The following GLRB variants were observed in gnomAD, a reference collection of about 807,000 sequenced individuals.
The protein encoded by GLRB is glycine receptor subunit beta.
Under a neutral mutation model 54.2 loss-of-function variants are expected in GLRB, and 33 were observed. The ratio of observed to expected loss-of-function variants is 0.61; its 90% CI spans 0.46 to 0.81. GLRB has a LOEUF of 0.81. GLRB is among the 40% of genes least tolerant of loss of function. GLRB has a pLI of 0.00. For synonymous variants in GLRB, 209 were observed against 208.2 expected, an observed-to-expected ratio of 1.00 and a Z score of -0.03; for missense variants, 572 against 584.6, an observed-to-expected ratio of 0.98 and a Z score of 0.22.
chr4:157,099,124 G>A (rs555695078), intron 2 of GLRB, among the ~76,000 whole-genome samples: 1 of 152,222 alleles, frequency 6.6e-6, no homozygotes, highest in South Asian at 2.1e-4. Context: ...TCTGTGTCTG[G>A]TCTTATCATA....
chr4:157,095,446 A>G (rs1734775085), intron 2 of GLRB, among the ~76,000 whole-genome samples: 1 of 152,218 alleles, frequency 6.6e-6, no homozygotes, highest in Non-Finnish European at 1.5e-5. Context: ...AGGAGAAAAT[A>G]TCCAATAAGC....
chr4:157,089,914 CT>C (rs1381147785), intron 2 of GLRB, among the ~76,000 whole-genome samples: 1 of 152,214 alleles, frequency 6.6e-6, no homozygotes, highest in Non-Finnish European at 1.5e-5. Context: ...TCTTCAAATC[CT>C]TCATGCCCTT....
chr4:157,087,924 CT>C (rs1734471370), intron 2 of GLRB, among the ~76,000 whole-genome samples: 1 of 151,980 alleles, frequency 6.6e-6, no homozygotes, highest in African/African-American at 2.4e-5. Context: ...GCTGAGGTCC[CT>C]TTATAAATGA....
chr4:157,084,548 G>A (rs959881930), intron 2 of GLRB: 51 of 452,920 alleles, frequency 1.1e-4, no homozygotes, highest in Admixed American at 8.1e-4. Context: ...TTTTATTCTC[G>A]TTCTGTGTGT....
rs1006544734 is a variant in GLRB at position 157,128,137 on chromosome 4, C to A, written c.297+5740C>A. Among the ~76,000 whole-genome samples the A allele has an allele frequency of 4.6e-5, 7 of 151,710 alleles. No individual in the cohort carries two copies. In the East Asian group the frequency reaches 1.4e-3, roughly 30 times the overall value. ...GTATTTTATTGAGTAATTACTTAAA[C>A]CTCTCACTCATTAAGGTTAATTCTA... is the stretch of plus-strand genomic sequence containing the variant. On this transcript the variant is annotated intron_variant, in intron 4 of 9. Transcript: ENST00000264428.
intron 2 of GLRB, among the ~76,000 whole-genome samples, chr4:157,094,904 T>C (rs1734748394): frequency 6.6e-6 from 1 of 152,236 alleles, no homozygotes. Context: ...AAAAAATACG[T>C]ACAAGAATGT....
intron 7 of GLRB, 77 bp from the exon 8 acceptor site, chr4:157,143,730 T>C (rs757486931): frequency 4.0e-5 from 57 of 1,415,466 alleles, no homozygotes; most frequent in Non-Finnish European, 5.4e-5. Flanking sequence ...TGACTTACCG[T>C]TTCCAGGTCT....
intron 4 of GLRB, among the ~76,000 whole-genome samples, chr4:157,127,545 T>G (rs1279970049): frequency 6.6e-6 from 1 of 151,870 alleles, no homozygotes; most frequent in South Asian, 2.1e-4. Flanking sequence ...CTGTTTTATA[T>G]GTTAAAAAGG....
At chr4:157,079,580 T>G (rs1464512825) in intron 2 of GLRB, among the ~76,000 whole-genome samples, 1 of 152,136 alleles carries the variant, frequency 6.6e-6, no homozygotes, top group Non-Finnish European at 1.5e-5. Flanking sequence ...CAGGGCCAAA[T>G]TTCTGGGTAT....
chr4:157,155,129 T>A (rs1434841307), intron 9 of GLRB, among the ~76,000 whole-genome samples: 2 of 152,150 alleles, frequency 1.3e-5, no homozygotes, highest in Non-Finnish European at 2.9e-5. Context: ...TTTAGAGAAT[T>A]TCCTTGTTTT....
intron 2 of GLRB, among the ~76,000 whole-genome samples, chr4:157,114,455 T>A (rs1399567697): frequency 6.6e-6 from 1 of 151,874 alleles, no homozygotes; most frequent in African/African-American, 2.4e-5. Flanking sequence ...TTTCTCTATT[T>A]TTATTTTTCT....
intron 7 of GLRB, 56 bp downstream of exon 7, chr4:157,139,005 A>T: frequency 1.0e-6 from 1 of 965,712 alleles, no homozygotes; most frequent in Non-Finnish European, 1.7e-6. Flanking sequence ...CATTTTAATT[A>T]ATACATAGCC....
intron 2 of GLRB, among the ~76,000 whole-genome samples, chr4:157,082,949 C>A: frequency 7.1e-6 from 1 of 140,832 alleles, no homozygotes; most frequent in African/African-American, 2.8e-5. Context: ...AATTATCAGA[C>A]AAATGAATAG....
chr4:157,117,377 C>T (rs935697685), intron 2 of GLRB, among the ~76,000 whole-genome samples: 1 of 151,632 alleles, frequency 6.6e-6, no homozygotes, highest in Non-Finnish European at 1.5e-5. Flanking sequence ...ACTCTTCTAC[C>T]AATGTTTTTC....
chr4:157,116,811 C>T (rs1413267705), intron 2 of GLRB, among the ~76,000 whole-genome samples: 2 of 151,774 alleles, frequency 1.3e-5, no homozygotes, highest in South Asian at 4.1e-4. Flanking sequence ...TAAAACATCT[C>T]TGTATTTCTA....
intron 9 of GLRB, among the ~76,000 whole-genome samples, chr4:157,159,385 A>G (rs185224857): frequency 2.6e-4 from 40 of 152,232 alleles, no homozygotes; most frequent in African/African-American, 9.6e-4. Context: ...AGGAATGCTA[A>G]GAGAGGGCAT....
intron 9 of GLRB, among the ~76,000 whole-genome samples, chr4:157,164,239 C>G (rs941090646): frequency 1.3e-5 from 2 of 151,682 alleles, no homozygotes; most frequent in South Asian, 4.2e-4. Flanking sequence ...TTTGGCATGA[C>G]GAAGAACTGG....
At chr4:157,085,621 C>T (rs756610696) in intron 2 of GLRB, among the ~76,000 whole-genome samples, 5 of 151,946 alleles carry the variant, frequency 3.3e-5, no homozygotes, top group East Asian at 3.9e-4. Flanking sequence ...CTCAGCCTCC[C>T]GAGTAGCTGG....
At chr4:157,115,654 C>G (rs1303816510) in intron 2 of GLRB, among the ~76,000 whole-genome samples, 1 of 151,720 alleles carries the variant, frequency 6.6e-6, no homozygotes, top group African/African-American at 2.4e-5. Context: ...GTCCAGGAAC[C>G]CTCAGAAACA....
Sources: gnomAD v4.1 joint callset for allele counts (sites outside exome capture counted in the v4.1 genomes callset) on GRCh38, gnomAD v4.1.1 for gene constraint, MANE v1.5 for transcripts, NCBI Gene and HGNC (gene_info 2026-07-23, HGNC 2026-07-21) for gene names.